Variants in OGA observed in about 807,000 individuals in gnomAD.
OGA encodes the protein O-GlcNAcase, also known as protein O-GlcNAcase.
In OGA, 21 loss-of-function variants were observed where a neutral mutation model predicts 102.0. The observed-to-expected ratio is 0.21, with a 90% CI of 0.15 to 0.30. OGA has a LOEUF of 0.30. Among genes scored for constraint, OGA ranks in the 10% least tolerant of loss-of-function variants. The pLI is 1.00. For synonymous variants in OGA, 408 were observed against 378.2 expected, an observed-to-expected ratio of 1.08 and a Z score of -0.91; for missense variants, 765 against 1,107.8, an observed-to-expected ratio of 0.69 and a Z score of 4.39.
At chr10:101,797,338 T>A (rs77596024) in intron 10 of OGA, 20,058 of 147,238 alleles carry the variant, frequency 0.14, 1,625 homozygotes, top group Non-Finnish European at 0.18. Context: ...TTTGACAATT[T>A]AAAAAAAAAA....
chr10:101,788,612 G>A (rs987027838), intron 14 of OGA, among the ~76,000 whole-genome samples: 10 of 151,778 alleles, frequency 6.6e-5, no homozygotes, highest in African/African-American at 2.4e-4. Context: ...GTGGGCGCCT[G>A]TAATCCCGAC....
chr10:101,793,280 C>T (rs1049177328), intron 11 of OGA, among the ~76,000 whole-genome samples: 1 of 152,100 alleles, frequency 6.6e-6, no homozygotes, highest in Non-Finnish European at 1.5e-5. Context: ...CATCTCCCTA[C>T]GATAAGATGG....
At chr10:101,801,400 A>G (rs2065390359) in intron 7 of OGA, among the ~76,000 whole-genome samples, 1 of 151,988 alleles carries the variant, frequency 6.6e-6, no homozygotes, top group Non-Finnish European at 1.5e-5. Flanking sequence ...CTCAGAAAAA[A>G]AAAAAAAAAA....
chr10:101,816,277 A>G (rs897195596), intron 1 of OGA, among the ~76,000 whole-genome samples: 8 of 152,222 alleles, frequency 5.3e-5, no homozygotes, highest in Non-Finnish European at 8.8e-5. Flanking sequence ...AACAAAAACA[A>G]CAAAACACAC....
rs1240833963 is a variant in OGA, at chr10:101,795,761, T to C, written c.1985-1763A>G. Reference sequence around the variant, plus strand: ...CTTCCCTGGGCCACACTGGAAGAACTGTCTTGGGCCACACATAAAATACAC... The same window carrying C: ...CTTCCCTGGGCCACACTGGAAGAACCGTCTTGGGCCACACATAAAATACAC... On this transcript the variant is annotated intron_variant, in intron 10 of 15. Coordinates refer to ENST00000361464, the MANE Select transcript of OGA (RefSeq NM_012215.5). 8.8e-6 allele frequency: 3 copies of C among 341,866 alleles called. No individual in the cohort carries two copies. The East Asian group carries it at 5.0e-4, about 57-fold the overall frequency. 21.2% of individuals were successfully genotyped at this position (341,866 alleles called of 1,614,324 possible).
chr10:101,818,398 G>A lies in OGA; in HGVS notation c.-376C>T, dbSNP rs1035510116. 7 of 1,027,824 alleles carry A rather than the reference G, an allele frequency of 6.8e-6. No individual in the cohort carries two copies. Among genetic ancestry groups the A allele is most frequent in the South Asian group, 7.9e-5 (2 of 25,274 alleles). The allele number at this position is 1,027,824 out of a possible 1,614,324, so 63.7% of individuals were successfully genotyped here. ...CCGCTGTTTCCCCTCCAAGCCCCGAGCTCTCCCTCTGCTGCTGCCTCCACC... is the reference window on the plus strand; with the variant it reads ...CCGCTGTTTCCCCTCCAAGCCCCGAACTCTCCCTCTGCTGCTGCCTCCACC... On this transcript the variant is annotated 5_prime_UTR_variant, in exon 1 of 16. Coordinates refer to ENST00000361464, the MANE Select transcript of OGA (RefSeq NM_012215.5).
At chr10:101,815,332 G>A (rs1049465012) in intron 1 of OGA, among the ~76,000 whole-genome samples, 2 of 151,714 alleles carry the variant, frequency 1.3e-5, no homozygotes, top group African/African-American at 4.9e-5. Context: ...AGGCTGGAGT[G>A]CAGTGGCACT....
rs1182838213 is a variant in OGA at position 101,800,249 on chromosome 10, T to C, written c.1188A>G (p.Gln396=). The C allele has an allele frequency of 2.7e-5, 44 of 1,613,854 alleles. No individual in the cohort carries two copies. Among genetic ancestry groups the C allele is most frequent in the Non-Finnish European group, 3.5e-5 (41 of 1,179,862 alleles). ...EWLQEFGVPH[Q]YSSRQVAHSG... is the part of the protein sequence containing the mutation. ...AAGAATGGCCAAACTCACTGCTGTA[T>C]TGATGAGGCACACCAAACTCTTGCA... Residue 396 remains glutamine, a synonymous_variant, in exon 8 of 16, where the codon CAA becomes CAG. Coordinates refer to ENST00000361464, the MANE Select transcript of OGA (RefSeq NM_012215.5).
In OGA at chr10:101,810,350, C is replaced by A. The variant is rs561020389; in HGVS notation, c.350-36G>T. ...GAGTCTATGTTTTTAGAAAGCAGAA[C>A]AGAAAACTAAAAGAACCTTCACTGA... On this transcript the variant is annotated intron_variant, in intron 3 of 15. Transcript: ENST00000361464. The A allele has an allele frequency of 2.6e-6, 4 of 1,566,910 alleles. No homozygotes were observed. In the South Asian group the frequency reaches 3.6e-5, roughly 14 times the overall value.
chr10:101,809,867 G>A (rs1355969910), intron 4 of OGA, among the ~76,000 whole-genome samples: 1 of 151,552 alleles, frequency 6.6e-6, no homozygotes, highest in Non-Finnish European at 1.5e-5. Context: ...CATGGTGAAG[G>A]CCCTGTCTCT....
Position 101,794,792 on chromosome 10 carries a change from C to T in OGA, c.1985-794G>A, listed in dbSNP as rs891035986. 3.3e-5 allele frequency among the ~76,000 whole-genome samples: 5 copies of T among 152,198 alleles called. No homozygotes were observed. In the South Asian group the frequency reaches 6.2e-4, roughly 19 times the overall value. ...AGTTAACTAACTTAATAGGCAATAA[C>T]GCTAGCTAACAGTAAGACATAAAGG... On this transcript the variant is annotated intron_variant, in intron 10 of 15. Coordinates refer to ENST00000361464, the MANE Select transcript of OGA (RefSeq NM_012215.5).
intron 15 of OGA, 103 bp from the exon 16 acceptor site, chr10:101,786,690 G>T: frequency 1.0e-6 from 1 of 989,226 alleles, no homozygotes; most frequent in Non-Finnish European, 1.4e-6. Context: ...AACAGGGCTT[G>T]TCTGTCTACA....
At chr10:101,807,668 G>T in intron 5 of OGA, 62 bp downstream of exon 5, 1 of 1,169,908 alleles carries the variant, frequency 8.5e-7, no homozygotes, top group Non-Finnish European at 1.1e-6. Context: ...GGGGCCCATG[G>T]TCCTTTATAA....
At chr10:101,793,792 A>G (rs2065285624) in intron 11 of OGA, 121 bp downstream of exon 11, 1 of 697,668 alleles carries the variant, frequency 1.4e-6, no homozygotes, top group South Asian at 1.8e-5. Flanking sequence ...CTATGTAACT[A>G]AATTGAATTT....
At chr10:101,803,085 G>A (rs1169740020) in intron 7 of OGA, among the ~76,000 whole-genome samples, 3 of 148,482 alleles carry the variant, frequency 2.0e-5, no homozygotes, top group Admixed American at 6.7e-5. Flanking sequence ...AGGTTGCAGC[G>A]AGCTGAGATT....
intron 5 of OGA, among the ~76,000 whole-genome samples, chr10:101,807,309 T>C (rs568148620): frequency 2.2e-4 from 34 of 152,302 alleles, no homozygotes; most frequent in African/African-American, 7.2e-4. Flanking sequence ...AAGCTTTCTA[T>C]GCTGACTACT....
rs182618250 is a variant in OGA at position 101,795,846 on chromosome 10, A to G, written c.1985-1848T>C. ...ATAAAAAAACTCACAATGTTTTAAGAAAGTTTACAAACTTGTGTTGAGCCA... is the reference window on the plus strand; with the variant it reads ...ATAAAAAAACTCACAATGTTTTAAGGAAGTTTACAAACTTGTGTTGAGCCA... On this transcript the variant is annotated intron_variant, in intron 10 of 15. Transcript: ENST00000361464. The G allele has an allele frequency of 5.4e-5, 49 of 899,294 alleles. 1 individual carries two copies. In the East Asian group the frequency reaches 2.1e-3, roughly 39 times the overall value. 55.7% of individuals were successfully genotyped at this position (899,294 alleles called of 1,614,324 possible). A position where few individuals can be genotyped will look rare whatever the true frequency, so the allele number is the denominator to read the frequency against.
intron 6 of OGA, among the ~76,000 whole-genome samples, chr10:101,805,484 G>A (rs964676939): frequency 2.6e-5 from 4 of 151,862 alleles, no homozygotes; most frequent in African/African-American, 4.8e-5. Context: ...GAGAAACCCC[G>A]TCTCTACTAG....
chr10:101,797,695 T>C (rs1174003277), intron 10 of OGA: 1 of 555,684 alleles, frequency 1.8e-6, no homozygotes, highest in African/African-American at 1.9e-5. Context: ...CAGGGTTCCA[T>C]CCAGAAAGCA....
Sources: gnomAD v4.1 joint callset for allele counts (sites outside exome capture counted in the v4.1 genomes callset) on GRCh38, gnomAD v4.1.1 for gene constraint, MANE v1.5 for transcripts, NCBI Gene and HGNC (gene_info 2026-07-23, HGNC 2026-07-21) for gene names.